The following EIF4G3 variants were observed in gnomAD, a reference collection of about 807,000 sequenced individuals.
EIF4G3 encodes eIF-4-gamma 3.
EIF4G3 carries 34 observed loss-of-function variants against 186.4 expected under a neutral mutation model. The ratio of observed to expected loss-of-function variants is 0.18; its 90% confidence interval spans 0.14 to 0.24. The LOEUF (loss-of-function observed/expected upper bound fraction) is 0.24, where lower values mean the gene tolerates loss of function less well. EIF4G3 is among the 10% of genes least tolerant of loss of function. The pLI is 1.00. For synonymous variants in EIF4G3, 673 were observed against 679.5 expected (o/e 0.99, Z 0.15); for missense variants, 1,536 against 1,948.5 (o/e 0.79, Z 3.99).
At chr1:20,955,589 A>C (rs1185359166) in intron 12 of EIF4G3, among the ~76,000 whole-genome samples, 1 of 152,188 alleles carries the variant, frequency 6.6e-6, no homozygotes, top group African/African-American at 2.4e-5. Context: ...TAGAGCAAGG[A>C]AACAGCAGTT....
chr1:20,832,671 A>G (rs995214797), intron 30 of EIF4G3, among the ~76,000 whole-genome samples: 1 of 150,916 alleles, frequency 6.6e-6, no homozygotes, highest in Non-Finnish European at 1.5e-5. Flanking sequence ...TGTTTTAGAC[A>G]TGAAGTCCTT....
chr1:20,815,325 T>C (rs1570922007), intron 34 of EIF4G3, among the ~76,000 whole-genome samples: 2 of 113,134 alleles, frequency 1.8e-5, no homozygotes, highest in East Asian at 8.5e-4. Context: ...CGCCATCCCA[T>C]CTAGGAAGTT....
At chr1:21,033,330 G>T (rs1226978752) in intron 4 of EIF4G3, among the ~76,000 whole-genome samples, 1 of 151,930 alleles carries the variant, frequency 6.6e-6, no homozygotes, top group East Asian at 1.9e-4. Flanking sequence ...GTAACATCTG[G>T]TTTTCAGTAA....
chr1:21,075,606 AC>A (rs2095566172), intron 3 of EIF4G3, among the ~76,000 whole-genome samples: 1 of 133,752 alleles, frequency 7.5e-6, no homozygotes, highest in African/African-American at 2.8e-5. Flanking sequence ...AAAAAAAAAG[AC>A]AGACATAGAC....
chr1:21,158,800 A>G lies in EIF4G3; in HGVS notation c.-272+17375T>C, dbSNP rs74058835. On this transcript the variant is annotated intron_variant, in intron 2 of 36. Coordinates refer to ENST00000602326, the MANE Select transcript of EIF4G3 (RefSeq NM_001391906.1). ...TTCATCCATGGGTTCCACAAAGATA[A>G]CTAGAGTACATTTTGGGCCTTTAAT... Among the ~76,000 whole-genome samples the G allele has an allele frequency of 9.7e-4, 148 of 152,226 alleles. 1 individual carries two copies. Among genetic ancestry groups the G allele is most frequent in the African/African-American group, 3.5e-3 (146 of 41,550 alleles).
At chr1:20,869,664 A>G (rs537303316) in intron 20 of EIF4G3, among the ~76,000 whole-genome samples, 127 of 150,934 alleles carry the variant, frequency 8.4e-4, no homozygotes, top group African/African-American at 2.9e-3. Flanking sequence ...AGTCCCAGCT[A>G]TTCGGGAGGC....
Position 20,969,508 on chromosome 1 carries a change from A to G in EIF4G3, c.680T>C (p.Ile227Thr). Reference protein sequence around the residue: ...GGGSRNPTPPIGRPTSTPTPP... With the variant: ...GGGSRNPTPPTGRPTSTPTPP... The stretch of plus-strand genomic sequence containing the variant: ...AGTAGGTGTGGACGTGGGTCTTCCT[A>G]TGGGTGGAGTAGGATTTCTGCTGCC... The change falls in exon 12 of 37, where the codon ATA becomes ACA. Residue 227 changes from isoleucine to threonine, a missense_variant. By Grantham distance (89) the Ile-to-Thr change is moderately conservative. Transcript: ENST00000602326. 1.9e-6 allele frequency: 3 copies of G among 1,613,886 alleles called. No individual in the cohort carries two copies. The highest frequency in any genetic ancestry group is 2.5e-6 in the Non-Finnish European group (3 of 1,179,862).
At chr1:20,835,733 T>C (rs974359310) in intron 30 of EIF4G3, among the ~76,000 whole-genome samples, 16 of 151,892 alleles carry the variant, frequency 1.1e-4, no homozygotes, top group Middle Eastern at 3.4e-3. Context: ...TGTCTAGGAG[T>C]GCAAGACCAG....
rs763518861 is a variant in EIF4G3 at position 20,969,560 on chromosome 1, T to C, written c.628A>G (p.Ile210Val). Reference sequence around the variant, plus strand: ...CCTCCAGACATAATCTCCTCTGTTATGTCTTTACCTCCCTGGTTTGGATCC... The same window carrying C: ...CCTCCAGACATAATCTCCTCTGTTACGTCTTTACCTCCCTGGTTTGGATCC... Reference protein sequence around the residue: ...IRDPNQGGKDITEEIMSGGGS... With the variant: ...IRDPNQGGKDVTEEIMSGGGS... Residue 210 changes from isoleucine to valine, a missense_variant, in exon 12 of 37, where the codon ATA becomes GTA. Ile to Val is a conservative substitution (Grantham distance 29). Coordinates refer to ENST00000602326, the MANE Select transcript of EIF4G3 (RefSeq NM_001391906.1). 4 of 1,613,916 alleles carry C rather than the reference T, an allele frequency of 2.5e-6. No individual in the cohort carries two copies. Among genetic ancestry groups the C allele is most frequent in the Non-Finnish European group, 3.4e-6 (4 of 1,179,850 alleles).
rs2061364045 is a variant in EIF4G3, at chr1:20,817,508, A to G, written c.4399T>C (p.Cys1467Arg). 7 of 1,604,768 alleles carry G rather than the reference A, an allele frequency of 4.4e-6. No homozygotes were observed. The highest frequency in any genetic ancestry group is 6.0e-6 in the Non-Finnish European group (7 of 1,174,662). The change falls in exon 34 of 37, where the codon TGT becomes CGT. Residue 1467 changes from cysteine to arginine, a missense_variant. Coordinates refer to ENST00000602326, the MANE Select transcript of EIF4G3 (RefSeq NM_001391906.1). ...TTCTTTGAAAGTGCTTCAGAGGAAC[A>G]GGGACTGTCAGACTCTATGAAGTCC... ...KLDFIESDSP[C>R]SSEALSKKEL...
At position 20,980,434 on chromosome 1, in the gene EIF4G3, G is replaced by A. The variant is rs201115256; in HGVS notation, c.393C>T (p.Gly131=). 4 of 1,550,370 alleles carry A rather than the reference G, an allele frequency of 2.6e-6. No individual in the cohort carries two copies. The African/African-American group carries it at 4.3e-5, about 17-fold the overall frequency. The change falls in exon 10 of 37, where the codon GGC becomes GGT. Residue 131 remains glycine (G), a synonymous_variant. Transcript: ENST00000602326. ...GTTGGGGGGGCCCAACATAAGGAGG[G>A]CCACTATGACGGTACTAGAAAAGAG... is the stretch of plus-strand genomic sequence containing the variant. ...QYCIPQYRHS[G]PPYVGPPQQY...
intron 4 of EIF4G3, among the ~76,000 whole-genome samples, chr1:21,008,398 A>T (rs973876228): frequency 6.6e-6 from 1 of 151,758 alleles, no homozygotes; most frequent in African/African-American, 2.4e-5. Flanking sequence ...GTGCAATGGC[A>T]TAATCTTGGC....
At chr1:21,046,301 CAG>C (rs1035688565) in intron 4 of EIF4G3, among the ~76,000 whole-genome samples, 2 of 151,736 alleles carry the variant, frequency 1.3e-5, no homozygotes, top group South Asian at 2.1e-4. Context: ...ACAAAATCTC[CAG>C]AGAGGACGAA....
intron 14 of EIF4G3, among the ~76,000 whole-genome samples, chr1:20,922,390 C>T (rs1558252516): frequency 6.6e-6 from 1 of 152,128 alleles, no homozygotes; most frequent in Non-Finnish European, 1.5e-5. Flanking sequence ...CTCTGCCTCC[C>T]GGGTTCATGC....
rs1234968975 is a variant in EIF4G3 at position 21,170,956 on chromosome 1, G to A, written c.-272+5219C>T. Among the ~76,000 whole-genome samples, 3 of 151,608 alleles carry A rather than the reference G, an allele frequency of 2.0e-5. No homozygotes were observed. The South Asian group carries it at 6.2e-4, about 32-fold the overall frequency. Reference sequence around the variant, plus strand: ...TGAGCCAAGATCACACTCCAGCCTGGGTGACAGAGCAAGTCCCTGTCTAAA... The same window carrying A: ...TGAGCCAAGATCACACTCCAGCCTGAGTGACAGAGCAAGTCCCTGTCTAAA... On this transcript the variant is annotated intron_variant, in intron 2 of 36. Transcript: ENST00000602326.
chr1:20,982,687 C>G (rs978121230), intron 7 of EIF4G3, among the ~76,000 whole-genome samples: 3 of 152,080 alleles, frequency 2.0e-5, no homozygotes, highest in South Asian at 2.1e-4. Context: ...TAGTAGTGTG[C>G]AAGGAAATGT....
At chr1:20,842,327 T>C (rs111761541) in intron 29 of EIF4G3, among the ~76,000 whole-genome samples, 31 of 152,330 alleles carry the variant, frequency 2.0e-4, no homozygotes, top group African/African-American at 7.2e-4. Flanking sequence ...TTTCATGACA[T>C]TGCCATTTTT....
chr1:21,013,286 G>A (rs2154570108), intron 4 of EIF4G3, among the ~76,000 whole-genome samples: 1 of 151,908 alleles, frequency 6.6e-6, no homozygotes, highest in East Asian at 1.9e-4. Flanking sequence ...AACAATATAG[G>A]AAATTTTTTA....
intron 32 of EIF4G3, among the ~76,000 whole-genome samples, chr1:20,827,010 A>G (rs2063819532): frequency 6.6e-6 from 1 of 152,190 alleles, no homozygotes; most frequent in African/African-American, 2.4e-5. Flanking sequence ...GGGAGGAATG[A>G]AACACTGACT....
Sources: gnomAD v4.1 joint callset for allele counts (sites outside exome capture counted in the v4.1 genomes callset) on GRCh38, gnomAD v4.1.1 for gene constraint, MANE v1.5 for transcripts, NCBI Gene and HGNC (gene_info 2026-07-23, HGNC 2026-07-21) for gene names.